The following REST variants were observed in gnomAD, a reference collection of about 807,000 sequenced individuals.
REST encodes RE1 silencing transcription factor, also known as RE1-silencing transcription factor.
A neutral mutation model predicts 30.4 loss-of-function variants in REST; 1 was observed. That is an observed-to-expected ratio of 0.03 (90% CI 0.01 to 0.16). The LOEUF (loss-of-function observed/expected upper bound fraction) is 0.16, where lower values mean the gene tolerates loss of function less well. REST is among the 10% of genes least tolerant of loss of function. The pLI is 1.00. For synonymous variants in REST, 504 were observed against 451.1 expected, an observed-to-expected ratio of 1.12 and a Z score of -1.49; for missense variants, 1,259 against 1,329.5, an observed-to-expected ratio of 0.95 and a Z score of 0.82.
At chr4:56,922,958 T>C (rs1720523742) in intron 3 of REST, among the ~76,000 whole-genome samples, 1 of 152,274 alleles carries the variant, frequency 6.6e-6, no homozygotes, top group African/African-American at 2.4e-5. Context: ...GTTCAATTAG[T>C]AATACTTTGT....
intron 3 of REST, among the ~76,000 whole-genome samples, chr4:56,928,881 C>T (rs1720830885): frequency 6.6e-6 from 1 of 151,490 alleles, no homozygotes; most frequent in Non-Finnish European, 1.5e-5. Flanking sequence ...TGAGCTACCG[C>T]ACCTGGCTGG....
At chr4:56,913,876 C>T (rs1224847678) in intron 2 of REST, among the ~76,000 whole-genome samples, 1 of 152,122 alleles carries the variant, frequency 6.6e-6, no homozygotes, top group Admixed American at 6.5e-5. Context: ...TCTCGAACTC[C>T]TGACCTCGTG....
At chr4:56,920,113 A>G (rs1211706391) in intron 3 of REST, 22 of 306,782 alleles carry the variant, frequency 7.2e-5, no homozygotes, top group Non-Finnish European at 1.1e-4. Context: ...ATTCTCATCA[A>G]ATCTTTGAAG....
intron 2 of REST, among the ~76,000 whole-genome samples, chr4:56,914,847 C>A (rs145444010): frequency 1.0e-3 from 157 of 151,624 alleles, no homozygotes; most frequent in African/African-American, 3.8e-3. Flanking sequence ...AGCCACCAAG[C>A]CTGGCCTGGT....
intron 2 of REST, among the ~76,000 whole-genome samples, chr4:56,917,591 G>T (rs1413441365): frequency 1.3e-5 from 2 of 152,102 alleles, no homozygotes; most frequent in African/African-American, 2.4e-5. Flanking sequence ...CTATGTGCCA[G>T]ACACAGTGTT....
Position 56,911,060 on chromosome 4 carries a change from C to T in REST, c.422C>T (p.Pro141Leu). 1 of 1,614,036 alleles carries T rather than the reference C, an allele frequency of 6.2e-7. No homozygotes were observed. Among genetic ancestry groups the T allele is most frequent in the Non-Finnish European group, 8.5e-7 (1 of 1,179,992 alleles). Residue 141 changes from proline (P) to leucine (L), a missense_variant, in exon 2 of 4, where the codon CCC becomes CTC. Around this residue, in one of 5 missense-constraint regions of REST, gnomAD observed 249 missense variants for 251.5 expected, o/e 0.99. Coordinates refer to ENST00000309042, the MANE Select transcript of REST (RefSeq NM_005612.5). The part of the protein sequence containing the change: ...PDIYSSNKDL[P>L]PETPGAEDKG... ...ATTTACAGTTCAAATAAAGATCTTC[C>T]CCCTGAAACACCTGGAGCGGAGGAC...
chr4:56,930,347 A>G lies in REST; in HGVS notation c.1489A>G (p.Thr497Ala), dbSNP rs779572079. ...GACTACCAGAACTCGAAAATCAGTA[A>G]CAGAGGTGAAAGAGATGGATGTGCA... is the stretch of plus-strand genomic sequence containing the variant. Reference protein sequence around the residue: ...QVTTRTRKSVTEVKEMDVHTG... With the variant: ...QVTTRTRKSVAEVKEMDVHTG... Residue 497 changes from threonine to alanine, a missense_variant, in exon 4 of 4, where the codon ACA becomes GCA. Thr to Ala is a moderately conservative substitution (Grantham distance 58). Around this residue, in one of 5 missense-constraint regions of REST, gnomAD observed 856 missense variants for 772.8 expected, o/e 1.11. Coordinates refer to ENST00000309042, the MANE Select transcript of REST (RefSeq NM_005612.5). 4 of 1,614,040 alleles carry G rather than the reference A, an allele frequency of 2.5e-6. No homozygotes were observed. The highest frequency in any genetic ancestry group is 3.4e-6 in the Non-Finnish European group (4 of 1,180,040).
At chr4:56,918,940 G>C (rs951353896) in intron 2 of REST, among the ~76,000 whole-genome samples, 6 of 150,932 alleles carry the variant, frequency 4.0e-5, no homozygotes, top group Admixed American at 2.6e-4. Context: ...CAAAGTGTTG[G>C]GGTTACAGTC....
Position 56,923,911 on chromosome 4 carries a change from C to T in REST, c.982+4041C>T, listed in dbSNP as rs558711052. Among the ~76,000 whole-genome samples, 88 of 151,958 alleles carry T rather than the reference C, an allele frequency of 5.8e-4. No homozygotes were observed. The South Asian group carries it at 0.017, about 30-fold the overall frequency. On this transcript the variant is annotated intron_variant, in intron 3 of 3. Coordinates refer to ENST00000309042, the MANE Select transcript of REST (RefSeq NM_005612.5). ...TAATTTTTTGTATTTTTAGTAGAGA[C>T]GGGGTTTCACCATGTTAGCCAGGAT...
Position 56,931,437 on chromosome 4 carries a change from TCTCACCACC to T in REST, c.2580_2588del (p.Ser864_Pro866del). 6.2e-7 allele frequency: 1 copy of T among 1,614,204 alleles called. No individual in the cohort carries two copies. Among genetic ancestry groups the T allele is most frequent in the South Asian group, 1.1e-5 (1 of 91,086 alleles). ...AAGGAAAGTGTAAGCACAGAGGATC[TCTCACCACC>T]ATCACCACCACTGCCAAAGGAAAAT... is the stretch of plus-strand genomic sequence containing the variant. On this transcript the variant is annotated inframe_deletion, in exon 4 of 4. Coordinates refer to ENST00000309042, the MANE Select transcript of REST (RefSeq NM_005612.5).
intron 3 of REST, among the ~76,000 whole-genome samples, chr4:56,921,007 A>G (rs888978561): frequency 6.6e-6 from 1 of 152,022 alleles, no homozygotes; most frequent in African/African-American, 2.4e-5. Context: ...CTGGGATTAC[A>G]GGCGCGCACC....
At chr4:56,920,282 A>AC (rs1720387965) in intron 3 of REST, among the ~76,000 whole-genome samples, 2 of 151,726 alleles carry the variant, frequency 1.3e-5, no homozygotes, top group African/African-American at 4.8e-5. Flanking sequence ...AGGTCCTGAA[A>AC]TGAAGGTTTG....
intron 2 of REST, among the ~76,000 whole-genome samples, chr4:56,919,292 T>C (rs1218815942): frequency 6.6e-6 from 1 of 152,156 alleles, no homozygotes; most frequent in East Asian, 1.9e-4. Context: ...TGAAAATTTT[T>C]AGCATAAAGC....
Position 56,931,048 on chromosome 4 carries a change from G to C in REST, c.2190G>C (p.Gln730His). Residue 730 changes from glutamine to histidine, a missense_variant, in exon 4 of 4, where the codon CAG (glutamine) becomes CAC (histidine). Physicochemically the swap from Gln to His is conservative, Grantham distance 24. Around this residue, in one of 5 missense-constraint regions of REST, gnomAD observed 856 missense variants for 772.8 expected, o/e 1.11. Transcript: ENST00000309042. Reference sequence around the variant, plus strand: ...AGGTGGTCCAGAAGGAGCCTGTTCAGATGGAGCTGTCTCCTCCCATGGAGG... The same window carrying C: ...AGGTGGTCCAGAAGGAGCCTGTTCACATGGAGCTGTCTCCTCCCATGGAGG... ...PMQVVQKEPV[Q>H]MELSPPMEVV... 1 of 1,613,974 alleles carries C rather than the reference G, an allele frequency of 6.2e-7. No homozygotes were observed. Among genetic ancestry groups the C allele is most frequent in the South Asian group, 1.1e-5 (1 of 91,074 alleles).
chr4:56,912,933 A>G (rs1720000706), intron 2 of REST, among the ~76,000 whole-genome samples: 1 of 148,692 alleles, frequency 6.7e-6, no homozygotes, highest in Non-Finnish European at 1.5e-5. Context: ...GGGGTGGGCT[A>G]CCGCACCCAG....
Position 56,932,032 on chromosome 4 carries a change from A to G in REST, c.3174A>G (p.Gly1058=). 6.2e-7 allele frequency: 1 copy of G among 1,614,184 alleles called. No individual in the cohort carries two copies. The highest frequency in any genetic ancestry group is 8.5e-7 in the Non-Finnish European group (1 of 1,180,032). ...KEALAVKAAK[G]DFVCIFCDRS... is the part of the protein sequence containing the mutation. ...CCTTGGCAGTCAAAGCGGCTAAGGG[A>G]GATTTTGTTTGTATCTTCTGTGATC... Residue 1058 remains glycine, a synonymous_variant, in exon 4 of 4, where the codon GGA becomes GGG. Transcript: ENST00000309042.
At chr4:56,927,695 A>T in intron 3 of REST, 1 of 1,102,918 alleles carries the variant, frequency 9.1e-7, no homozygotes, top group Non-Finnish European at 1.2e-6. Context: ...TATTACTCTT[A>T]TGCCTTTAAT....
Position 56,933,359 on chromosome 4 carries a change from G to A in REST, c.*1207G>A, listed in dbSNP as rs1396556878. ...TTTGGAAACTACAAACCTGGAATTAGGAGATATAATTATTCCTTCAAGTTT... is the reference window on the plus strand; with the variant it reads ...TTTGGAAACTACAAACCTGGAATTAAGAGATATAATTATTCCTTCAAGTTT... On this transcript the variant is annotated 3_prime_UTR_variant, in exon 4 of 4. Coordinates refer to ENST00000309042, the MANE Select transcript of REST (RefSeq NM_005612.5). 5.9e-5 allele frequency: 9 copies of A among 152,184 alleles called. No individual in the cohort carries two copies. The highest frequency in any genetic ancestry group is 1.9e-4 in the African/African-American group (8 of 41,440). The allele number at this position is 152,184 out of a possible 1,614,324, so 9.4% of individuals were successfully genotyped here. A position where few individuals can be genotyped will look rare whatever the true frequency, so the allele number is the denominator to read the frequency against.
In REST at chr4:56,910,883, A is replaced by G. The variant is rs745360783; in HGVS notation, c.245A>G (p.Asn82Ser). 6.2e-7 allele frequency: 1 copy of G among 1,614,190 alleles called. No individual in the cohort carries two copies. ...QMAELMPVGD[N>S]NFSDSEEGEG... ...GCAGAACTGATGCCGGTTGGGGATA[A>G]CAACTTTTCAGATAGTGAAGAAGGA... The change falls in exon 2 of 4, where the codon AAC becomes AGC. Residue 82 changes from asparagine (N) to serine (S), a missense_variant. By Grantham distance (46) the Asn-to-Ser change is conservative. This residue lies in a region of REST where 249 missense variants were observed against 251.5 expected (regional missense o/e 0.99). Transcript: ENST00000309042.
Sources: gnomAD v4.1 joint callset for allele counts (sites outside exome capture counted in the v4.1 genomes callset) on GRCh38, gnomAD v4.1.1 for gene constraint, gnomAD v4.1.1 regional missense constraint, MANE v1.5 for transcripts, NCBI Gene and HGNC (gene_info 2026-07-23, HGNC 2026-07-21) for gene names.